Variants in ATP8A2 observed in about 807,000 individuals in gnomAD.
ATP8A2 encodes phospholipid-transporting ATPase IB.
Under a neutral mutation model 165.6 loss-of-function variants are expected in ATP8A2, and 100 were observed. The ratio of observed to expected loss-of-function variants is 0.60; its 90% CI spans 0.51 to 0.71. The LOEUF (loss-of-function observed/expected upper bound fraction) is 0.71. ATP8A2 is among the 30% of genes least tolerant of loss of function. The probability of loss-of-function intolerance (pLI) is 0.00; values close to 1 mark genes in which losing one functional copy is unlikely to be tolerated. For synonymous variants in ATP8A2, 543 were observed against 548.8 expected (o/e 0.99, Z 0.15); for missense variants, 1,227 against 1,479.5 (o/e 0.83, Z 2.80).
At chr13:25,827,314 G>A (rs1201345145) in intron 27 of ATP8A2, among the ~76,000 whole-genome samples, 3 of 152,082 alleles carry the variant, frequency 2.0e-5, no homozygotes, top group Non-Finnish European at 2.9e-5. Context: ...GTTTCACCAC[G>A]TTGGCCAGGC....
chr13:25,651,326 C>T (rs1458586371), intron 24 of ATP8A2, among the ~76,000 whole-genome samples: 1 of 151,882 alleles, frequency 6.6e-6, no homozygotes. Flanking sequence ...GCTTGTAGTC[C>T]CAGCTACTCG....
At chr13:25,792,934 GAA>G (rs369200160) in intron 27 of ATP8A2, among the ~76,000 whole-genome samples, 7 of 147,778 alleles carry the variant, frequency 4.7e-5, no homozygotes, top group African/African-American at 1.7e-4. Context: ...GAGAGAGAGA[GAA>G]AGAAGAAAGG....
At chr13:25,578,929 G>A in intron 21 of ATP8A2, 30 bp downstream of exon 21, 1 of 1,388,096 alleles carries the variant, frequency 7.2e-7, no homozygotes, top group Non-Finnish European at 1.0e-6. Flanking sequence ...GCTGTTTTTG[G>A]CCATTGGAGC....
chr13:25,865,539 G>C (rs1952483727), intron 33 of ATP8A2, among the ~76,000 whole-genome samples: 1 of 152,116 alleles, frequency 6.6e-6, no homozygotes, highest in African/African-American at 2.4e-5. Context: ...ATATTTCTTT[G>C]TCTTGTCCAT....
intron 1 of ATP8A2, among the ~76,000 whole-genome samples, chr13:25,437,066 C>T (rs112111377): frequency 0.018 from 2,693 of 152,134 alleles, 84 homozygotes; most frequent in African/African-American, 0.061. Context: ...AGTGAGCCAC[C>T]GTGCCCAGCT....
chr13:25,522,726 T>C (rs1260507329), intron 2 of ATP8A2, among the ~76,000 whole-genome samples: 1 of 152,220 alleles, frequency 6.6e-6, no homozygotes, highest in Non-Finnish European at 1.5e-5. Context: ...GATTTGTATA[T>C]GTTGAACCAT....
chr13:25,705,575 T>G (rs563974598), intron 25 of ATP8A2, among the ~76,000 whole-genome samples: 209 of 152,310 alleles, frequency 1.4e-3, no homozygotes, highest in African/African-American at 4.9e-3. Flanking sequence ...TGCTGTGATA[T>G]CATAGATTTG....
At chr13:25,686,871 A>G (rs1240329328) in intron 24 of ATP8A2, among the ~76,000 whole-genome samples, 1 of 152,044 alleles carries the variant, frequency 6.6e-6, no homozygotes, top group African/African-American at 2.4e-5. Flanking sequence ...TTAACAGCTC[A>G]TGACACCGCG....
intron 1 of ATP8A2, among the ~76,000 whole-genome samples, chr13:25,419,539 G>A (rs2034237079): frequency 6.6e-6 from 1 of 152,138 alleles, no homozygotes. Flanking sequence ...TTTGACTAAT[G>A]CCCAACGCAC....
intron 33 of ATP8A2, among the ~76,000 whole-genome samples, chr13:25,925,548 A>AC (rs1954578003): frequency 2.6e-5 from 4 of 151,936 alleles, no homozygotes; most frequent in Admixed American, 2.6e-4. Flanking sequence ...AAAAAAAAAA[A>AC]ACAAAATTGT....
At chr13:25,382,214 T>C (rs2032864089) in intron 1 of ATP8A2, among the ~76,000 whole-genome samples, 1 of 152,226 alleles carries the variant, frequency 6.6e-6, no homozygotes, top group African/African-American at 2.4e-5. Flanking sequence ...TTGGCTTCTT[T>C]TACTTAGCAA....
intron 1 of ATP8A2, among the ~76,000 whole-genome samples, chr13:25,412,568 C>T (rs566616162): frequency 2.4e-4 from 37 of 152,290 alleles, no homozygotes; most frequent in African/African-American, 7.7e-4. Flanking sequence ...AGGTGGCTGC[C>T]GAAGGACTTA....
Position 26,022,380 on chromosome 13 carries a change from A to AT in ATP8A2, c.*2398dup, listed in dbSNP as rs1957092968. ...GAAGCCTTCCAAATCAGAATTATGT[A>AT]TTTAAGTGTGTGTTTGTGTTTGTTT... is the stretch of plus-strand genomic sequence containing the variant. On this transcript the variant is annotated 3_prime_UTR_variant, in exon 37 of 37. Coordinates refer to ENST00000381655, the MANE Select transcript of ATP8A2 (RefSeq NM_016529.6). 6.6e-6 allele frequency: 1 copy of AT among 152,210 alleles called. No homozygotes were observed. Among genetic ancestry groups the AT allele is most frequent in the African/African-American group, 2.4e-5 (1 of 41,452 alleles). 9.4% of individuals were successfully genotyped at this position (152,210 alleles called of 1,614,324 possible).
In ATP8A2 at chr13:25,995,415, A is replaced by AT. The variant is rs1013493480; in HGVS notation, c.3378-17108dup. ...TCATGTGAGAACTTGGAATTCTTTAATTTTTTTTAATATATAGATTAACTG... is the reference window on the plus strand; with the variant it reads ...TCATGTGAGAACTTGGAATTCTTTAATTTTTTTTTAATATATAGATTAACTG... On this transcript the variant is annotated intron_variant, in intron 35 of 36. Transcript: ENST00000381655. 2.7e-5 allele frequency among the ~76,000 whole-genome samples: 4 copies of AT among 150,548 alleles called. 1 individual carries two copies. In the South Asian group the frequency reaches 6.3e-4, roughly 24 times the overall value.
Position 25,862,427 on chromosome 13 carries a change from G to C in ATP8A2, c.3183+19G>C. 6.4e-7 allele frequency: 1 copy of C among 1,572,878 alleles called. No individual in the cohort carries two copies. The highest frequency in any genetic ancestry group is 8.8e-7 in the Non-Finnish European group (1 of 1,142,484). ...AGGACAGGTAAGTACTCCTGATTGG[G>C]AGTGTGTCTTCTGTGTCTTGTGACA... On this transcript the variant is annotated intron_variant, in intron 33 of 36. Coordinates refer to ENST00000381655, the MANE Select transcript of ATP8A2 (RefSeq NM_016529.6).
intron 27 of ATP8A2, among the ~76,000 whole-genome samples, chr13:25,804,399 G>GA (rs1950686305): frequency 6.6e-6 from 1 of 152,124 alleles, no homozygotes; most frequent in Non-Finnish European, 1.5e-5. Flanking sequence ...TTTTAATTCT[G>GA]AAATGCAACT....
rs562061365 is a variant in ATP8A2, at chr13:25,870,801, A to G, written c.3183+8393A>G. On this transcript the variant is annotated intron_variant, in intron 33 of 36. Coordinates refer to ENST00000381655, the MANE Select transcript of ATP8A2 (RefSeq NM_016529.6). ...TAACGTTTTGCTTTTAATAAATTTT[A>G]TCTGAAGTGACTTACCCCGCAATGC... Among the ~76,000 whole-genome samples the G allele has an allele frequency of 3.9e-5, 6 of 152,260 alleles. No homozygotes were observed. The South Asian group carries it at 1.2e-3, about 32-fold the overall frequency.
At chr13:25,860,654 T>TA in intron 31 of ATP8A2, 150 bp from the exon 32 acceptor site, 1 of 643,882 alleles carries the variant, frequency 1.6e-6, no homozygotes, top group Non-Finnish European at 2.8e-6. Context: ...AAATAACCCT[T>TA]AGAGAATTAG....
intron 36 of ATP8A2, 57 bp from the exon 37 acceptor site, chr13:26,019,831 T>C (rs1266412316): frequency 1.6e-6 from 2 of 1,279,162 alleles, no homozygotes; most frequent in Admixed American, 1.7e-5. Flanking sequence ...ATTTTAAACC[T>C]AGTGTGCTCC....
Sources: allele counts gnomAD v4.1 joint callset (sites outside exome capture counted in the v4.1 genomes callset), GRCh38; gene constraint gnomAD v4.1.1; transcripts MANE v1.5; gene names NCBI Gene and HGNC (gene_info 2026-07-23, HGNC 2026-07-21).